Variants in SH3BGRL2 observed in about 807,000 individuals in gnomAD.
SH3BGRL2 encodes the protein SH3 domain-binding glutamic acid-rich-like protein 2.
A neutral mutation model predicts 14.8 loss-of-function variants in SH3BGRL2; 21 were observed. The ratio of observed to expected loss-of-function variants is 1.42; its 90% CI spans 1.01 to 2.05. SH3BGRL2 has a LOEUF of 2.05. Ranked by LOEUF, SH3BGRL2 falls within the 30% of genes most tolerant of loss-of-function variation. The pLI, the probability that SH3BGRL2 is intolerant of heterozygous loss-of-function variation, is 0.00. For missense variants in SH3BGRL2, 147 were observed against 130.8 expected, an observed-to-expected ratio of 1.12 and a Z score of -0.61; for synonymous variants, 50 against 47.8, an observed-to-expected ratio of 1.05 and a Z score of -0.19.
intron 2 of SH3BGRL2, among the ~76,000 whole-genome samples, chr6:79,692,277 T>C (rs1770235512): frequency 6.6e-6 from 1 of 152,222 alleles, no homozygotes; most frequent in African/African-American, 2.4e-5. Flanking sequence ...GATGAGTAGG[T>C]TGTGAAAATT....
At chr6:79,691,210 A>G (rs762047253) in intron 2 of SH3BGRL2, among the ~76,000 whole-genome samples, 8 of 152,136 alleles carry the variant, frequency 5.3e-5, no homozygotes, top group African/African-American at 9.7e-5. Context: ...GAGCTAGGCC[A>G]TGTAGGGCCT....
chr6:79,582,036 C>T, the SH3BGRL2 span, among the ~76,000 whole-genome samples: 2 of 152,046 alleles, frequency 1.3e-5, no homozygotes, highest in African/African-American at 2.4e-5. Flanking sequence ...CCATTCACAA[C>T]TGCCACTAAG....
chr6:79,542,415 A>G, the SH3BGRL2 span, among the ~76,000 whole-genome samples: 5 of 151,892 alleles, frequency 3.3e-5, no homozygotes, highest in African/African-American at 7.3e-5. Context: ...GATTACAGGC[A>G]TGCACCACCA....
Position 79,700,990 on chromosome 6 carries a change from C to T in SH3BGRL2, c.*1481C>T, listed in dbSNP as rs1191437302. On this transcript the variant is annotated 3_prime_UTR_variant, in exon 4 of 4. Coordinates refer to ENST00000369838, the MANE Select transcript of SH3BGRL2 (RefSeq NM_031469.4). ...AAGAATTACAGCCCTGTCACATGTG[C>T]CCAGCACTCCGCCCCATGCCTTGCT... The T allele has an allele frequency of 6.6e-6, 1 of 152,112 alleles. No homozygotes were observed. The highest frequency in any genetic ancestry group is 1.5e-5 in the Non-Finnish European group (1 of 68,018). The allele number at this position is 152,112 out of a possible 1,614,324, so 9.4% of individuals were successfully genotyped here.
At chr6:79,689,464 C>A (rs1381763491) in intron 2 of SH3BGRL2, among the ~76,000 whole-genome samples, 4 of 152,054 alleles carry the variant, frequency 2.6e-5, no homozygotes, top group Admixed American at 2.6e-4. Context: ...GTGACTGAAA[C>A]TTTAAGAATG....
intron 1 of SH3BGRL2, 139 bp downstream of exon 1, chr6:79,631,645 C>A (rs1768827983): frequency 2.1e-6 from 1 of 473,754 alleles, no homozygotes. Context: ...TGATCCATCA[C>A]ACTCCGACAA....
At chr6:79,618,875 C>G in the SH3BGRL2 span, among the ~76,000 whole-genome samples, 133 of 119,682 alleles carry the variant, frequency 1.1e-3, 2 homozygotes, top group African/African-American at 4.0e-3. Flanking sequence ...CGAGAATGCC[C>G]CACTGGACTC....
At chr6:79,588,558 T>A in the SH3BGRL2 span, among the ~76,000 whole-genome samples, 1 of 152,286 alleles carries the variant, frequency 6.6e-6, no homozygotes, top group Non-Finnish European at 1.5e-5. Flanking sequence ...TCAATTGCCT[T>A]CAGCTCAAAA....
the SH3BGRL2 span, among the ~76,000 whole-genome samples, chr6:79,619,009 G>A: frequency 2.7e-5 from 4 of 149,674 alleles, no homozygotes; most frequent in Admixed American, 2.0e-4. Context: ...GCTTCAGTTT[G>A]ATTTCAAATT....
chr6:79,687,054 T>G (rs1351562045), intron 2 of SH3BGRL2, among the ~76,000 whole-genome samples: 1 of 152,142 alleles, frequency 6.6e-6, no homozygotes, highest in East Asian at 1.9e-4. Flanking sequence ...GCAGCGAGTG[T>G]TGTTTGGAGA....
At chr6:79,562,174 C>G in the SH3BGRL2 span, among the ~76,000 whole-genome samples, 1 of 152,276 alleles carries the variant, frequency 6.6e-6, no homozygotes, top group African/African-American at 2.4e-5. Context: ...TTTGTGTAGT[C>G]CTGTAGAAAT....
intron 2 of SH3BGRL2, among the ~76,000 whole-genome samples, chr6:79,694,126 A>C (rs1020219413): frequency 6.6e-6 from 1 of 152,222 alleles, no homozygotes; most frequent in African/African-American, 2.4e-5. Flanking sequence ...AAGAGAGGTC[A>C]GGGCAAGAGA....
chr6:79,661,225 G>A (rs1324287799), intron 1 of SH3BGRL2, among the ~76,000 whole-genome samples: 1 of 151,942 alleles, frequency 6.6e-6, no homozygotes, highest in Non-Finnish European at 1.5e-5. Flanking sequence ...GTGATGTTAG[G>A]GTGTCGATTT....
At chr6:79,671,327 C>T (rs1460419845) in intron 1 of SH3BGRL2, among the ~76,000 whole-genome samples, 3 of 152,052 alleles carry the variant, frequency 2.0e-5, no homozygotes, top group Non-Finnish European at 2.9e-5. Context: ...ATTAGCCAGG[C>T]GTGATGGCAC....
intron 2 of SH3BGRL2, among the ~76,000 whole-genome samples, chr6:79,692,019 T>C (rs961731885): frequency 2.0e-5 from 3 of 152,320 alleles, no homozygotes; most frequent in East Asian, 3.9e-4. Flanking sequence ...CAGCACCTGT[T>C]GTTTCCTGAC....
chr6:79,632,808 C>A (rs1334385314), intron 1 of SH3BGRL2, among the ~76,000 whole-genome samples: 1 of 152,210 alleles, frequency 6.6e-6, no homozygotes, highest in Non-Finnish European at 1.5e-5. Context: ...CCCACTGAAG[C>A]CACACTTCAT....
At chr6:79,670,365 G>A (rs1769748633) in intron 1 of SH3BGRL2, among the ~76,000 whole-genome samples, 1 of 152,148 alleles carries the variant, frequency 6.6e-6, no homozygotes, top group East Asian at 1.9e-4. Context: ...TGAATGTTAG[G>A]GTGAAATGCA....
At chr6:79,597,330 AAAAG>A in the SH3BGRL2 span, among the ~76,000 whole-genome samples, 5 of 151,076 alleles carry the variant, frequency 3.3e-5, no homozygotes, top group Admixed American at 6.6e-5. Context: ...AAAAGAAAAG[AAAAG>A]AAAAAAGAAA....
Position 79,631,460 on chromosome 6 carries a change from G to A in SH3BGRL2, c.-2G>A. ...GGGGTCTGTCCCGGGCGCAGCGAGA[G>A]GATGGTCATCCGCGTGTTCATCGCC... On this transcript the variant is annotated 5_prime_UTR_variant, in exon 1 of 4. Transcript: ENST00000369838. 1.3e-6 allele frequency: 2 copies of A among 1,517,902 alleles called. No homozygotes were observed. The highest frequency in any genetic ancestry group is 1.8e-6 in the Non-Finnish European group (2 of 1,132,254). 94.0% of individuals were successfully genotyped at this position (1,517,902 alleles called of 1,614,324 possible). A position where few individuals can be genotyped will look rare whatever the true frequency, so the allele number is the denominator to read the frequency against.
Sources: allele counts gnomAD v4.1 joint callset (sites outside exome capture counted in the v4.1 genomes callset), GRCh38; gene constraint gnomAD v4.1.1; transcripts MANE v1.5; gene names NCBI Gene and HGNC (gene_info 2026-07-23, HGNC 2026-07-21).